Variants in TNPO3 observed in about 807,000 individuals in gnomAD.
The protein encoded by TNPO3 is transportin-3.
Under a neutral mutation model 122.8 loss-of-function variants are expected in TNPO3, and 65 were observed. That is an observed-to-expected ratio of 0.53 (90% CI 0.43 to 0.65). The LOEUF (loss-of-function observed/expected upper bound fraction) is 0.65. Among genes scored for constraint, TNPO3 ranks in the 30% least tolerant of loss-of-function variants. TNPO3 has a pLI of 0.00. For synonymous variants in TNPO3, 372 were observed against 411.2 expected, an observed-to-expected ratio of 0.90 and a Z score of 1.15; for missense variants, 850 against 1,136.7, an observed-to-expected ratio of 0.75 and a Z score of 3.63.
chr7:128,985,471 C>A (rs1210389675), intron 12 of TNPO3, among the ~76,000 whole-genome samples: 1 of 152,108 alleles, frequency 6.6e-6, no homozygotes, highest in South Asian at 2.1e-4. Flanking sequence ...TGGTGTGCAC[C>A]TGTAGTCCTT....
Position 129,001,169 on chromosome 7 carries a change from A to G in TNPO3, c.762T>C (p.Tyr254=). Residue 254 remains tyrosine (Y), a synonymous_variant, in exon 6 of 23, where the codon TAT becomes TAC. Transcript: ENST00000265388. ...AGTTAGTCTCCACATTCTCAATGGCATAGAGAGCTGAGCATACACAGTCCG... is the reference window on the plus strand; with the variant it reads ...AGTTAGTCTCCACATTCTCAATGGCGTAGAGAGCTGAGCATACACAGTCCG... ...AASDCVCSAL[Y]AIENVETNLP... 6.2e-7 allele frequency: 1 copy of G among 1,614,144 alleles called. No individual in the cohort carries two copies. The highest frequency in any genetic ancestry group is 8.5e-7 in the Non-Finnish European group (1 of 1,180,020).
chr7:129,013,434 CA>C (rs3993440), intron 4 of TNPO3, among the ~76,000 whole-genome samples: 39,471 of 127,594 alleles, frequency 0.31, 5,749 homozygotes, highest in Middle Eastern at 0.38. Flanking sequence ...CAAATAATAG[CA>C]AAAAAAAAAA....
intron 1 of TNPO3, among the ~76,000 whole-genome samples, chr7:129,040,049 G>C (rs1807176676): frequency 6.6e-6 from 1 of 152,168 alleles, no homozygotes; most frequent in African/African-American, 2.4e-5. Context: ...GAGGTCAGGA[G>C]TTCAAGACCA....
rs903092057 is a variant in TNPO3 at position 128,997,306 on chromosome 7, T to C, written c.1158+83A>G. On this transcript the variant is annotated intron_variant, in intron 8 of 22. Transcript: ENST00000265388. ...AGCCAGGGTGCCCAGCCAGGTTTAT[T>C]ATCTATCTTCTCAGTTCCTTTTCAA... 55 of 1,513,396 alleles carry C rather than the reference T, an allele frequency of 3.6e-5. 2 individuals are homozygous for C. Among genetic ancestry groups the C allele is most frequent in the Non-Finnish European group, 4.1e-5 (45 of 1,110,428 alleles). The allele number at this position is 1,513,396 out of a possible 1,614,324, so 93.7% of individuals were successfully genotyped here.
At chr7:129,043,293 CA>C (rs970557197) in intron 1 of TNPO3, among the ~76,000 whole-genome samples, 13 of 151,232 alleles carry the variant, frequency 8.6e-5, no homozygotes, top group African/African-American at 2.4e-4. Context: ...GTCTCAGCTT[CA>C]GGGGGTGGGG....
intron 1 of TNPO3, among the ~76,000 whole-genome samples, chr7:129,025,932 C>T (rs951576212): frequency 6.6e-6 from 1 of 152,076 alleles, no homozygotes; most frequent in African/African-American, 2.4e-5. Context: ...TCTAGACCAG[C>T]CTGGCCAACA....
intron 1 of TNPO3, among the ~76,000 whole-genome samples, chr7:129,052,483 G>A (rs1808900623): frequency 1.3e-5 from 2 of 152,150 alleles, no homozygotes; most frequent in Admixed American, 6.5e-5. Context: ...AATAAACTCA[G>A]ATTATCCTGT....
Position 129,054,838 on chromosome 7 carries a change from C to T in TNPO3, c.-68G>A. On this transcript the variant is annotated 5_prime_UTR_variant, in exon 1 of 23. Coordinates refer to ENST00000265388, the MANE Select transcript of TNPO3 (RefSeq NM_012470.4). ...CCGGAGGATTCCTCGGTTGCTCCGCCTTCGCGCTTCCTCACTGTCTGGGCC... is the reference window on the plus strand; with the variant it reads ...CCGGAGGATTCCTCGGTTGCTCCGCTTTCGCGCTTCCTCACTGTCTGGGCC... The T allele has an allele frequency of 6.2e-7, 1 of 1,605,634 alleles. No individual in the cohort carries two copies.
Position 129,054,821 on chromosome 7 carries a change from T to C in TNPO3, c.-51A>G, listed in dbSNP as rs1353158387. The C allele has an allele frequency of 6.2e-7, 1 of 1,611,498 alleles. No individual in the cohort carries two copies. Among genetic ancestry groups the C allele is most frequent in the East Asian group, 2.2e-5 (1 of 44,850 alleles). On this transcript the variant is annotated 5_prime_UTR_variant, in exon 1 of 23. Coordinates refer to ENST00000265388, the MANE Select transcript of TNPO3 (RefSeq NM_012470.4). ...ACGGCTCTGATTCTTCTCCGGAGGATTCCTCGGTTGCTCCGCCTTCGCGCT... is the reference window on the plus strand; with the variant it reads ...ACGGCTCTGATTCTTCTCCGGAGGACTCCTCGGTTGCTCCGCCTTCGCGCT...
Position 128,978,908 on chromosome 7 carries a change from A to G in TNPO3, c.2061+75T>C, listed in dbSNP as rs138805125. 1,130 of 1,556,862 alleles carry G rather than the reference A, an allele frequency of 7.3e-4. 13 individuals carry two copies. The African/African-American group carries it at 0.013, about 18-fold the overall frequency. On this transcript the variant is annotated intron_variant, in intron 16 of 22. Transcript: ENST00000265388. ...AGGCCTCCCAAAGTGCTGGGATTACAGACGTGAGCCACCGCACCCTGCCTA... is the reference window on the plus strand; with the variant it reads ...AGGCCTCCCAAAGTGCTGGGATTACGGACGTGAGCCACCGCACCCTGCCTA...
At chr7:129,015,280 G>C (rs1244484680) in intron 3 of TNPO3, 145 bp from the exon 4 acceptor site, 21 of 749,138 alleles carry the variant, frequency 2.8e-5, no homozygotes, top group Non-Finnish European at 4.0e-5. Flanking sequence ...AAACATAAAT[G>C]TCCTCCATAA....
chr7:128,974,879 C>T lies in TNPO3; in HGVS notation c.2262G>A (p.Arg754=). The part of the protein sequence containing the change: ...NHPDTVDDLF[R]LATRFIQRSP... ...TCAGAAGGATTTACCTGGTGGCTAG[C>T]CGGAACAGGTCATCTACAGTGTCAG... Residue 754 remains arginine (R), a synonymous_variant, in exon 18 of 23, where the codon CGG becomes CGA. Transcript: ENST00000265388. 2 of 1,613,992 alleles carry T rather than the reference C, an allele frequency of 1.2e-6. No homozygotes were observed. Among genetic ancestry groups the T allele is most frequent in the Non-Finnish European group, 8.5e-7 (1 of 1,179,882 alleles).
chr7:128,983,822 T>G (rs551946590), intron 13 of TNPO3, among the ~76,000 whole-genome samples: 1 of 152,212 alleles, frequency 6.6e-6, no homozygotes, highest in Non-Finnish European at 1.5e-5. Context: ...ATCCCTGAAG[T>G]GTATAAAACC....
At chr7:128,991,150 T>G (rs1308422939) in intron 10 of TNPO3, among the ~76,000 whole-genome samples, 1 of 152,164 alleles carries the variant, frequency 6.6e-6, no homozygotes, top group African/African-American at 2.4e-5. Flanking sequence ...CCAAAATTGG[T>G]TTAAGAGTAA....
At chr7:129,026,387 C>T (rs1330821416) in intron 1 of TNPO3, among the ~76,000 whole-genome samples, 2 of 145,208 alleles carry the variant, frequency 1.4e-5, no homozygotes, top group Non-Finnish European at 3.0e-5. Context: ...CCTTTGATGA[C>T]GTTTGAATTT....
intron 11 of TNPO3, 81 bp from the exon 12 acceptor site, chr7:128,987,001 C>T (rs1800231025): frequency 2.1e-6 from 3 of 1,415,266 alleles, no homozygotes; most frequent in Non-Finnish European, 2.8e-6. Flanking sequence ...GGTATACTTG[C>T]TTTTCTTTTT....
At chr7:128,997,290 G>A in intron 8 of TNPO3, 99 bp downstream of exon 8, 1 of 1,353,296 alleles carries the variant, frequency 7.4e-7, no homozygotes, top group Non-Finnish European at 1.0e-6. Context: ...GAGCCAGGGT[G>A]CCCAGCCAGG....
chr7:129,027,204 G>A (rs1584581848), intron 1 of TNPO3, among the ~76,000 whole-genome samples: 1 of 151,932 alleles, frequency 6.6e-6, no homozygotes, highest in Non-Finnish European at 1.5e-5. Context: ...GACATTTATC[G>A]GGTGTTTCAA....
At position 129,005,066 on chromosome 7, in the gene TNPO3, T is replaced by G; in HGVS notation, c.646A>C (p.Ser216Arg). 1 of 1,613,978 alleles carries G rather than the reference T, an allele frequency of 6.2e-7. No individual in the cohort carries two copies. The highest frequency in any genetic ancestry group is 8.5e-7 in the Non-Finnish European group (1 of 1,179,910). The part of the protein sequence containing the change: ...GSWFNLGVLD[S>R]NFMANNKLLA... ...AATTTATTGTTAGCCATGAAGTTAC[T>G]GTCCAAAACTCCCAAGTTAAACCAA... The change falls in exon 5 of 23, where the codon AGT (serine) becomes CGT (arginine). Residue 216 changes from serine to arginine, a missense_variant. Ser to Arg is a moderately radical substitution (Grantham distance 110, BLOSUM62 -1). Transcript: ENST00000265388.
Sources: allele counts gnomAD v4.1 joint callset (sites outside exome capture counted in the v4.1 genomes callset), GRCh38; gene constraint gnomAD v4.1.1; transcripts MANE v1.5; gene names NCBI Gene and HGNC (gene_info 2026-07-23, HGNC 2026-07-21).